ACTA2: variants seen among roughly 807,000 people sequenced by gnomAD.
ACTA2 encodes the protein actin, aortic smooth muscle.
In ACTA2, 12 loss-of-function variants were observed where a neutral mutation model predicts 39.5. The ratio of observed to expected loss-of-function variants is 0.30; its 90% confidence interval spans 0.19 to 0.49. The LOEUF (loss-of-function observed/expected upper bound fraction) is 0.49, where lower values mean the gene tolerates loss of function less well. ACTA2 is among the 20% of genes least tolerant of loss of function. The probability of loss-of-function intolerance (pLI) is 0.99; values close to 1 mark genes in which losing one functional copy is unlikely to be tolerated. For synonymous variants in ACTA2, 158 were observed against 180.6 expected (o/e 0.88, Z 1.00); for missense variants, 236 against 498.8 (o/e 0.47, Z 5.02).
intron 1 of ACTA2, among the ~76,000 whole-genome samples, chr10:88,977,730 A>G (rs1237659752): frequency 2.7e-5 from 4 of 146,908 alleles, no homozygotes. Flanking sequence ...AATGGCAATC[A>G]TTAAAAAGTC....
chr10:88,988,699 G>A (rs1401882237), intron 1 of ACTA2, among the ~76,000 whole-genome samples: 2 of 152,096 alleles, frequency 1.3e-5, no homozygotes, highest in African/African-American at 4.8e-5. Context: ...CTTTAGAGAT[G>A]CCCAAACTGT....
chr10:88,981,910 G>C (rs1846722370), intron 1 of ACTA2, among the ~76,000 whole-genome samples: 1 of 152,162 alleles, frequency 6.6e-6, no homozygotes, highest in South Asian at 2.1e-4. Flanking sequence ...AGCAAATCTT[G>C]ATACCTTTAC....
intron 6 of ACTA2, chr10:88,940,777 C>G: frequency 4.0e-6 from 1 of 252,720 alleles, no homozygotes; most frequent in Non-Finnish European, 7.9e-6. Context: ...ATACTGATAA[C>G]AATCATGTGA....
intron 1 of ACTA2, chr10:88,974,540 CAA>C (rs1846521445): frequency 1.3e-5 from 2 of 152,056 alleles, no homozygotes; most frequent in Admixed American, 1.3e-4. Flanking sequence ...TTAATAGTAA[CAA>C]GGTCTCACTA....
chr10:88,980,809 A>G (rs559094653), intron 1 of ACTA2, among the ~76,000 whole-genome samples: 2 of 152,358 alleles, frequency 1.3e-5, no homozygotes, highest in East Asian at 3.9e-4. Flanking sequence ...CTCAATTCCA[A>G]ATGAATCTGG....
chr10:88,964,858 G>A (rs1217728002), intron 1 of ACTA2, among the ~76,000 whole-genome samples: 1 of 152,106 alleles, frequency 6.6e-6, no homozygotes, highest in Non-Finnish European at 1.5e-5. Context: ...CTGCTCCTTT[G>A]TAACTTTCTT....
At chr10:88,977,726 A>C (rs1220121573) in intron 1 of ACTA2, among the ~76,000 whole-genome samples, 5 of 146,948 alleles carry the variant, frequency 3.4e-5, no homozygotes, top group South Asian at 2.2e-4. Flanking sequence ...TTAGAATGGC[A>C]ATCATTAAAA....
intron 1 of ACTA2, among the ~76,000 whole-genome samples, chr10:88,988,333 A>G (rs775793298): frequency 3.9e-5 from 6 of 152,182 alleles, no homozygotes; most frequent in Non-Finnish European, 7.4e-5. Context: ...AATTTAGTAA[A>G]AACAATTTGG....
At chr10:88,935,888 C>T (rs961863493) in intron 8 of ACTA2, among the ~76,000 whole-genome samples, 4 of 152,180 alleles carry the variant, frequency 2.6e-5, no homozygotes, top group African/African-American at 4.8e-5. Flanking sequence ...GGGACATTCC[C>T]TTGCAATAGG....
In ACTA2 at chr10:88,973,141, C is replaced by T. The variant is rs774444478; in HGVS notation, c.-24+17798G>A. The T allele has an allele frequency of 2.6e-6, 4 of 1,565,034 alleles. No individual in the cohort carries two copies. In the African/African-American group the frequency reaches 4.1e-5, roughly 16 times the overall value. ...TTTTAATTTTTCCTGGGCCTTGCCTCCCAATCCTCTCACCTTCCCTTTCTT... is the reference window on the plus strand; with the variant it reads ...TTTTAATTTTTCCTGGGCCTTGCCTTCCAATCCTCTCACCTTCCCTTTCTT... On this transcript the variant is annotated intron_variant, in intron 1 of 4. Coordinates refer to the ACTA2 transcript ENST00000415557.
At chr10:88,980,708 C>T (rs781709802) in intron 1 of ACTA2, among the ~76,000 whole-genome samples, 4 of 152,202 alleles carry the variant, frequency 2.6e-5, no homozygotes, top group Non-Finnish European at 4.4e-5. Context: ...TGTCCCCCCT[C>T]TGGAGCAAGT....
At chr10:88,957,837 G>C (rs565509949) in intron 1 of ACTA2, among the ~76,000 whole-genome samples, 20 of 151,858 alleles carry the variant, frequency 1.3e-4, no homozygotes, top group African/African-American at 4.8e-4. Context: ...GTGCGACCTC[G>C]GCTCACTGCA....
Position 88,947,248 on chromosome 10 carries a change from C to A in ACTA2, c.258+10G>T, listed in dbSNP as rs751286907. 6.2e-7 allele frequency: 1 copy of A among 1,613,820 alleles called. No homozygotes were observed. Among genetic ancestry groups the A allele is most frequent in the Non-Finnish European group, 8.5e-7 (1 of 1,179,800 alleles). On this transcript the variant is annotated intron_variant, in intron 3 of 8. Coordinates refer to ENST00000224784, the MANE Select transcript of ACTA2 (RefSeq NM_001613.4). ...TCCTGAGGGCCCAAGCTGCAGCAAA[C>A]CTCCCATACCTTTTCCATGTCGTCC...
chr10:88,962,538 C>A (rs1036875845), intron 1 of ACTA2, among the ~76,000 whole-genome samples: 1 of 152,090 alleles, frequency 6.6e-6, no homozygotes, highest in Non-Finnish European at 1.5e-5. Flanking sequence ...GTAAGTTTTG[C>A]TTAGGAAGGA....
chr10:88,948,637 T>C (rs1446468708), intron 2 of ACTA2, 165 bp downstream of exon 2: 21 of 871,820 alleles, frequency 2.4e-5, no homozygotes, highest in Non-Finnish European at 3.9e-5. Context: ...CTGTCTACAT[T>C]ATATGTGAAA....
chr10:88,946,684 G>A (rs1845954106), intron 3 of ACTA2: 1 of 151,918 alleles, frequency 6.6e-6, no homozygotes, highest in Admixed American at 6.6e-5. Flanking sequence ...GAGCAACCAT[G>A]CCTGGCAAGG....
At chr10:88,936,901 A>G (rs556873705) in intron 8 of ACTA2, among the ~76,000 whole-genome samples, 1 of 152,200 alleles carries the variant, frequency 6.6e-6, no homozygotes, top group African/African-American at 2.4e-5. Flanking sequence ...ATCTCATTAC[A>G]TCGGGGCCCA....
chr10:88,963,693 T>C (rs1049855390), intron 1 of ACTA2, among the ~76,000 whole-genome samples: 8 of 152,146 alleles, frequency 5.3e-5, no homozygotes, highest in Non-Finnish European at 8.8e-5. Context: ...GCCATTCTCA[T>C]TGGAGGCTAG....
chr10:88,981,509 C>T (rs900199947), intron 1 of ACTA2, among the ~76,000 whole-genome samples: 2 of 151,878 alleles, frequency 1.3e-5, no homozygotes, highest in Non-Finnish European at 2.9e-5. Context: ...GACTAGTATC[C>T]GTGGAAAGGA....
Sources: gnomAD v4.1 joint callset for allele counts (sites outside exome capture counted in the v4.1 genomes callset) on GRCh38, gnomAD v4.1.1 for gene constraint, MANE v1.5 for transcripts, NCBI Gene and HGNC (gene_info 2026-07-23, HGNC 2026-07-21) for gene names.